The following LRRTM3 variants were observed in gnomAD, a reference collection of about 807,000 sequenced individuals.
LRRTM3 encodes leucine rich repeat transmembrane neuronal 3.
A neutral mutation model predicts 44.7 loss-of-function variants in LRRTM3; 24 were observed. The observed-to-expected ratio is 0.54, with a 90% CI of 0.39 to 0.76. The LOEUF (loss-of-function observed/expected upper bound fraction) is 0.76, where lower values mean the gene tolerates loss of function less well. LRRTM3 is among the 30% of genes least tolerant of loss of function. The probability of loss-of-function intolerance (pLI) is 0.00; values close to 1 mark genes in which losing one functional copy is unlikely to be tolerated. For missense variants in LRRTM3, 587 were observed against 702.2 expected, an observed-to-expected ratio of 0.84 and a Z score of 1.85; for synonymous variants, 277 against 278.7, an observed-to-expected ratio of 0.99 and a Z score of 0.06.
At chr10:67,087,703 A>T (rs975331350) in intron 2 of LRRTM3, among the ~76,000 whole-genome samples, 2 of 152,012 alleles carry the variant, frequency 1.3e-5, no homozygotes, top group South Asian at 4.1e-4. Context: ...AGCTAATGTC[A>T]TAATGGCCTG....
chr10:67,057,241 A>G (rs1855492899), intron 2 of LRRTM3, among the ~76,000 whole-genome samples: 1 of 152,186 alleles, frequency 6.6e-6, no homozygotes, highest in African/African-American at 2.4e-5. Flanking sequence ...TGCCACAATC[A>G]ATTAATATAT....
intron 2 of LRRTM3, among the ~76,000 whole-genome samples, chr10:66,980,268 CTT>C (rs1850337960): frequency 6.6e-6 from 1 of 152,160 alleles, no homozygotes; most frequent in South Asian, 2.1e-4. Flanking sequence ...TTCCTTGTCT[CTT>C]CTCCTAAGCC....
At chr10:66,984,720 A>C (rs1014944883) in intron 2 of LRRTM3, among the ~76,000 whole-genome samples, 17 of 152,152 alleles carry the variant, frequency 1.1e-4, no homozygotes, top group African/African-American at 3.9e-4. Context: ...CTAAAGTCAC[A>C]CTTAAATGAC....
At position 66,926,119 on chromosome 10, in the gene LRRTM3, C is replaced by A; in HGVS notation, c.-465C>A. 4.4e-6 allele frequency: 2 copies of A among 458,846 alleles called. No homozygotes were observed. Among genetic ancestry groups the A allele is most frequent in the South Asian group, 3.1e-5 (2 of 64,600 alleles). 28.4% of individuals were successfully genotyped at this position (458,846 alleles called of 1,614,324 possible). A position where few individuals can be genotyped will look rare whatever the true frequency, so the allele number is the denominator to read the frequency against. On this transcript the variant is annotated 5_prime_UTR_variant, in exon 1 of 3. Transcript: ENST00000361320. ...GTACGGGGCTCTCCTGCCTTCTGGG[C>A]TCCAACGCAGCTCTGTGGCTGAACT...
intron 2 of LRRTM3, among the ~76,000 whole-genome samples, chr10:67,010,302 T>C (rs188252476): frequency 6.6e-6 from 1 of 152,344 alleles, no homozygotes; most frequent in Admixed American, 6.5e-5. Context: ...TTAGTTAGAA[T>C]AATCTTTGGA....
rs199611889 is a variant in LRRTM3, at chr10:66,961,908, TTGA to T, written c.1536+33459_1536+33461del. 3.5e-3 allele frequency among the ~76,000 whole-genome samples: 538 copies of T among 152,288 alleles called. 6 individuals are homozygous for T. The highest frequency in any genetic ancestry group is 0.012 in the African/African-American group (501 of 41,572). On this transcript the variant is annotated intron_variant, in intron 2 of 2. Transcript: ENST00000361320. ...GGAGGCCAAATGTTTGAAGTCATTC[TTGA>T]TGTTTTTCCTTCTCTCTCAAAGCCA...
rs1347104656 is a variant in LRRTM3, at chr10:66,937,300, G to A, written c.1536+8848G>A. On this transcript the variant is annotated intron_variant, in intron 2 of 2. Coordinates refer to ENST00000361320, the MANE Select transcript of LRRTM3 (RefSeq NM_178011.5). ...TGTAGTTATCATGGGATTGTTGCAA[G>A]AAGGCAAAGAATCAGCATTTGTTAA... is the stretch of plus-strand genomic sequence containing the variant. Among the ~76,000 whole-genome samples the A allele has an allele frequency of 4.6e-5, 7 of 152,082 alleles. No homozygotes were observed. The East Asian group carries it at 9.6e-4, about 21-fold the overall frequency.
At chr10:67,001,411 C>A (rs1851684359) in intron 2 of LRRTM3, among the ~76,000 whole-genome samples, 1 of 151,266 alleles carries the variant, frequency 6.6e-6, no homozygotes, top group Admixed American at 6.6e-5. Context: ...TGGAAATTTA[C>A]CTAAAACCAA....
At chr10:67,042,379 T>C (rs548774545) in intron 2 of LRRTM3, among the ~76,000 whole-genome samples, 1 of 152,230 alleles carries the variant, frequency 6.6e-6, no homozygotes, top group Non-Finnish European at 1.5e-5. Flanking sequence ...AGTTTCTGGT[T>C]TGGATAAGCA....
intron 2 of LRRTM3, among the ~76,000 whole-genome samples, chr10:66,928,665 C>G (rs1459209819): frequency 6.6e-6 from 1 of 152,082 alleles, no homozygotes; most frequent in East Asian, 1.9e-4. Context: ...AATTTAAATA[C>G]CACAATCAAT....
At chr10:67,014,790 C>G (rs1852554761) in intron 2 of LRRTM3, among the ~76,000 whole-genome samples, 1 of 151,980 alleles carries the variant, frequency 6.6e-6, no homozygotes, top group Non-Finnish European at 1.5e-5. Context: ...ACAGCCATCT[C>G]TACCACCAAG....
At chr10:67,077,074 C>A (rs1460297014) in intron 2 of LRRTM3, among the ~76,000 whole-genome samples, 1 of 152,168 alleles carries the variant, frequency 6.6e-6, no homozygotes, top group African/African-American at 2.4e-5. Flanking sequence ...ACCTCCTAAT[C>A]CCTTCAGCAA....
intron 2 of LRRTM3, among the ~76,000 whole-genome samples, chr10:66,973,517 C>A (rs915375655): frequency 5.9e-5 from 9 of 152,058 alleles, no homozygotes; most frequent in Non-Finnish European, 4.4e-5. Context: ...TTTAAGTATG[C>A]CCTTCTAAGT....
At chr10:67,054,502 G>C (rs1855304353) in intron 2 of LRRTM3, 1 of 152,050 alleles carries the variant, frequency 6.6e-6, no homozygotes. Flanking sequence ...CACTAATATG[G>C]GTTCAACAAT....
chr10:66,972,766 A>C (rs1185016142), intron 2 of LRRTM3, among the ~76,000 whole-genome samples: 1 of 142,748 alleles, frequency 7.0e-6, no homozygotes, highest in Non-Finnish European at 1.5e-5. Context: ...GCTGGAGTGC[A>C]ATGGTGCAAT....
intron 2 of LRRTM3, among the ~76,000 whole-genome samples, chr10:67,005,026 A>C (rs1178778841): frequency 2.6e-5 from 4 of 152,224 alleles, no homozygotes; most frequent in African/African-American, 4.8e-5. Flanking sequence ...TCATAGAGAT[A>C]ATCACAAAAA....
At chr10:66,975,718 T>C (rs1049135791) in intron 2 of LRRTM3, among the ~76,000 whole-genome samples, 5 of 152,160 alleles carry the variant, frequency 3.3e-5, no homozygotes, top group African/African-American at 1.2e-4. Context: ...GTTCGTCCTA[T>C]CTGCAGAGCA....
At chr10:66,942,373 G>A (rs1356540744) in intron 2 of LRRTM3, among the ~76,000 whole-genome samples, 1 of 152,140 alleles carries the variant, frequency 6.6e-6, no homozygotes, top group Non-Finnish European at 1.5e-5. Context: ...TCCTTTAATG[G>A]ACTTGCTCTA....
rs775896342 is a variant in LRRTM3 at position 66,928,090 on chromosome 10, A to G, written c.1174A>G (p.Lys392Glu). Residue 392 changes from lysine to glutamate, a missense_variant, in exon 2 of 3, where the codon AAA becomes GAA. This residue lies in a region of LRRTM3 where 315 missense variants were observed against 335.6 expected (regional missense o/e 0.94). Transcript: ENST00000361320. ...PKLPRPKHES[K>E]PPLPPTVGAT... ...GCTCCCCAGGCCGAAGCATGAGAGCAAACCCCCTTTGCCCCCGACGGTGGG... is the reference window on the plus strand; with the variant it reads ...GCTCCCCAGGCCGAAGCATGAGAGCGAACCCCCTTTGCCCCCGACGGTGGG... The G allele has an allele frequency of 3.1e-6, 5 of 1,614,088 alleles. No homozygotes were observed. Among genetic ancestry groups the G allele is most frequent in the Non-Finnish European group, 4.2e-6 (5 of 1,180,030 alleles).
Sources: allele counts gnomAD v4.1 joint callset (sites outside exome capture counted in the v4.1 genomes callset), GRCh38; gene constraint gnomAD v4.1.1; regional missense constraint gnomAD v4.1.1; transcripts MANE v1.5; gene names NCBI Gene and HGNC (gene_info 2026-07-23, HGNC 2026-07-21).